SPRED2: variants seen among roughly 807,000 people sequenced by gnomAD.
SPRED2 encodes sprouty related EVH1 domain containing 2.
A neutral mutation model predicts 43.0 loss-of-function variants in SPRED2; 47 were observed. The observed-to-expected ratio is 1.09, with a 90% CI of 0.87 to 1.40. The LOEUF (loss-of-function observed/expected upper bound fraction) is 1.40. SPRED2 is among the 40% of genes most tolerant of loss of function. The probability of loss-of-function intolerance (pLI) is 0.00; values close to 1 mark genes in which losing one functional copy is unlikely to be tolerated. For synonymous variants in SPRED2, 225 were observed against 225.7 expected, an observed-to-expected ratio of 1.00 and a Z score of 0.03; for missense variants, 561 against 586.4, an observed-to-expected ratio of 0.96 and a Z score of 0.45.
intron 4 of SPRED2, among the ~76,000 whole-genome samples, 191 bp from the exon 5 acceptor site, chr2:65,317,074 T>C (rs1197892204): frequency 6.6e-6 from 1 of 152,318 alleles, no homozygotes; most frequent in East Asian, 1.9e-4. Context: ...CTAAACACAA[T>C]GTGGCTGGTT....
chr2:65,397,609 CTTTT>C (rs34229550), intron 1 of SPRED2, among the ~76,000 whole-genome samples: 6 of 131,338 alleles, frequency 4.6e-5, no homozygotes, highest in South Asian at 2.4e-4. Context: ...TCTAGCATCA[CTTTT>C]TTTTTTTTTT....
chr2:65,431,883 G>T, intron 1 of SPRED2, 79 bp downstream of exon 1: 8 of 1,548,026 alleles, frequency 5.2e-6, no homozygotes, highest in Non-Finnish European at 7.1e-6. Flanking sequence ...CCCAATAAGC[G>T]TCCCCGCCCG....
At chr2:65,309,591 A>C (rs564826944), downstream of SPRED2, among the ~76,000 whole-genome samples, 1 of 145,966 alleles carries the variant, frequency 6.9e-6, no homozygotes, top group South Asian at 2.3e-4. Context: ...GGACTTGAGC[A>C]TCTGTGGATT....
chr2:65,346,019 A>G (rs1469586688), intron 1 of SPRED2, among the ~76,000 whole-genome samples: 2 of 152,208 alleles, frequency 1.3e-5, no homozygotes, highest in Admixed American at 6.5e-5. Flanking sequence ...GCCAGGCGTT[A>G]TAACAGATTC....
At chr2:65,413,583 G>A (rs549659780) in intron 1 of SPRED2, among the ~76,000 whole-genome samples, 48 of 152,334 alleles carry the variant, frequency 3.2e-4, no homozygotes, top group African/African-American at 9.6e-4. Context: ...AGAACTTGCT[G>A]ACGATTAGAG....
chr2:65,344,965 T>C (rs982740197), intron 1 of SPRED2, 69 bp from the exon 2 acceptor site: 1 of 1,463,678 alleles, frequency 6.8e-7, no homozygotes, highest in Non-Finnish European at 9.2e-7. Flanking sequence ...CGTTTCAAAA[T>C]GCAAGATGAC....
chr2:65,401,926 AGCGC>A (rs143714447), intron 1 of SPRED2, among the ~76,000 whole-genome samples: 16 of 121,950 alleles, frequency 1.3e-4, no homozygotes, highest in East Asian at 7.6e-4. Context: ...TCAGAATATT[AGCGC>A]GCGCGCGCAC....
chr2:65,381,438 T>C (rs1244263878), intron 1 of SPRED2, among the ~76,000 whole-genome samples: 1 of 152,222 alleles, frequency 6.6e-6, no homozygotes, highest in Non-Finnish European at 1.5e-5. Flanking sequence ...GGTCAACTTA[T>C]TTCATCTCTC....
At chr2:65,357,966 T>C (rs528159642) in intron 1 of SPRED2, among the ~76,000 whole-genome samples, 1 of 150,396 alleles carries the variant, frequency 6.6e-6, no homozygotes, top group African/African-American at 2.4e-5. Flanking sequence ...CTTTGATCCC[T>C]TTTCATGCTT....
chr2:65,381,624 A>G (rs991350934), intron 1 of SPRED2, among the ~76,000 whole-genome samples: 1 of 152,238 alleles, frequency 6.6e-6, no homozygotes, highest in Non-Finnish European at 1.5e-5. Context: ...GCAAAGGTTC[A>G]GTACATGACA....
chr2:65,342,461 T>C (rs1674223700), intron 2 of SPRED2, among the ~76,000 whole-genome samples: 1 of 149,602 alleles, frequency 6.7e-6, no homozygotes, highest in South Asian at 2.1e-4. Flanking sequence ...ATTATATATG[T>C]ATGAATATTT....
chr2:65,339,063 C>A (rs1401611576), intron 2 of SPRED2, among the ~76,000 whole-genome samples: 4 of 140,228 alleles, frequency 2.9e-5, no homozygotes, highest in African/African-American at 5.4e-5. Flanking sequence ...GCTCAGCCCC[C>A]CGCCGGGCCA....
intron 2 of SPRED2, among the ~76,000 whole-genome samples, chr2:65,335,463 G>C (rs1202871214): frequency 6.6e-6 from 1 of 152,154 alleles, no homozygotes; most frequent in Non-Finnish European, 1.5e-5. Context: ...GTAATGAGTA[G>C]ATTGATCTTT....
intron 1 of SPRED2, among the ~76,000 whole-genome samples, chr2:65,390,038 C>A (rs1675593961): frequency 1.3e-5 from 2 of 152,152 alleles, no homozygotes; most frequent in African/African-American, 4.8e-5. Flanking sequence ...ACACATCACC[C>A]CTTTCCTATG....
intron 1 of SPRED2, among the ~76,000 whole-genome samples, chr2:65,413,304 C>A (rs991353536): frequency 6.6e-6 from 1 of 152,208 alleles, no homozygotes; most frequent in Non-Finnish European, 1.5e-5. Flanking sequence ...TTTACCCTGA[C>A]GGTGGCCTCA....
chr2:65,359,215 C>T (rs975296533), intron 1 of SPRED2, among the ~76,000 whole-genome samples: 6 of 152,114 alleles, frequency 3.9e-5, no homozygotes, highest in African/African-American at 9.7e-5. Context: ...GTCCTACAAG[C>T]GCAATTTCCT....
chr2:65,326,160 A>C (rs1346586356), intron 4 of SPRED2, among the ~76,000 whole-genome samples: 1 of 152,198 alleles, frequency 6.6e-6, no homozygotes, highest in Non-Finnish European at 1.5e-5. Flanking sequence ...GATGTAACTA[A>C]GGCAATATTC....
chr2:65,399,393 T>TC (rs1339619754), intron 1 of SPRED2, among the ~76,000 whole-genome samples: 1 of 148,510 alleles, frequency 6.7e-6, no homozygotes, highest in Non-Finnish European at 1.5e-5. Flanking sequence ...CTTTTTTTTT[T>TC]TTTTTTTTTG....
intron 1 of SPRED2, among the ~76,000 whole-genome samples, chr2:65,352,092 G>C (rs993857085): frequency 6.6e-6 from 1 of 152,194 alleles, no homozygotes; most frequent in African/African-American, 2.4e-5. Flanking sequence ...TGTGTGGTTA[G>C]GGTAGGCCAT....
Sources: gnomAD v4.1 joint callset for allele counts (sites outside exome capture counted in the v4.1 genomes callset) on GRCh38, gnomAD v4.1.1 for gene constraint, MANE v1.5 for transcripts, NCBI Gene and HGNC (gene_info 2026-07-23, HGNC 2026-07-21) for gene names.